Variants in EXD3 observed in about 807,000 individuals in gnomAD.
The protein encoded by EXD3 is exonuclease 3'-5' domain containing 3.
EXD3 carries 92 observed loss-of-function variants against 98.0 expected under a neutral mutation model. That is an observed-to-expected ratio of 0.94 (90% CI 0.79 to 1.12). The LOEUF (loss-of-function observed/expected upper bound fraction) is 1.12. EXD3 is among the 50% of genes most tolerant of loss of function. The pLI, the probability that EXD3 is intolerant of heterozygous loss-of-function variation, is 0.00. For missense variants in EXD3, 1,222 were observed against 1,191.6 expected, an observed-to-expected ratio of 1.03 and a Z score of -0.38; for synonymous variants, 569 against 526.0, an observed-to-expected ratio of 1.08 and a Z score of -1.12.
rs565546558 is a variant in EXD3 at position 137,411,454 on chromosome 9, C to T, written c.-48+11660G>A. Among the ~76,000 whole-genome samples, 404 of 151,986 alleles carry T rather than the reference C, an allele frequency of 2.7e-3. 2 individuals are homozygous for T. The highest frequency in any genetic ancestry group is 4.2e-3 in the Non-Finnish European group (283 of 67,942). On this transcript the variant is annotated intron_variant, in intron 1 of 21. Transcript: ENST00000340951. ...GGGAGCCTCCACAGGAAGGCGGGACCGGCGGGACCAACAGGATGTGCAGGG... is the reference window on the plus strand; with the variant it reads ...GGGAGCCTCCACAGGAAGGCGGGACTGGCGGGACCAACAGGATGTGCAGGG...
chr9:137,330,576 A>C (rs1833008309), intron 17 of EXD3, among the ~76,000 whole-genome samples: 2 of 119,446 alleles, frequency 1.7e-5, no homozygotes, highest in South Asian at 3.0e-4. Context: ...CACAGGAGCT[A>C]CACAGGACTA....
Position 137,321,051 on chromosome 9 carries a change from G to A in EXD3, c.2184+2674C>T, listed in dbSNP as rs756219003. On this transcript the variant is annotated intron_variant, in intron 19 of 21. Transcript: ENST00000340951. Reference sequence around the variant, plus strand: ...CCCCGCAGGGCAGTGGGGTCAGAGGGTCAGACTGCACCCCCAGGCCAGGGG... The same window carrying A: ...CCCCGCAGGGCAGTGGGGTCAGAGGATCAGACTGCACCCCCAGGCCAGGGG... Among the ~76,000 whole-genome samples the A allele has an allele frequency of 5.3e-5, 8 of 152,306 alleles. No homozygotes were observed. The Middle Eastern group carries it at 0.01, about 194-fold the overall frequency.
chr9:137,418,781 G>A (rs774083574), intron 1 of EXD3, among the ~76,000 whole-genome samples: 17 of 151,914 alleles, frequency 1.1e-4, no homozygotes, highest in Non-Finnish European at 1.9e-4. Context: ...AAAAAAAAAG[G>A]GGAAAGAGGG....
At chr9:137,380,253 C>T in intron 3 of EXD3, among the ~76,000 whole-genome samples, 1 of 151,698 alleles carries the variant, frequency 6.6e-6, no homozygotes, top group Non-Finnish European at 1.5e-5. Context: ...CAAAGAGCCT[C>T]CTGCTGTGCA....
Position 137,307,640 on chromosome 9 carries a change from T to C in EXD3, c.2285A>G (p.Glu762Gly), listed in dbSNP as rs778864109. ...HQEGPRSSGD[E>G]ATQSQAVQEP... ...CTGCACCGCCTGGCTCTGGGTGGCC[T>C]CGTCACCTGTCAGTCAAGGAAGAGA... is the stretch of plus-strand genomic sequence containing the variant. Residue 762 changes from glutamate (E) to glycine (G), a missense_variant, in exon 21 of 22, where the codon GAG becomes GGG. Physicochemically the swap from Glu to Gly is moderately conservative, Grantham distance 98. Coordinates refer to ENST00000340951, the MANE Select transcript of EXD3 (RefSeq NM_017820.5). 1.7e-5 allele frequency: 27 copies of C among 1,609,742 alleles called. No homozygotes were observed. The highest frequency in any genetic ancestry group is 2.2e-5 in the Non-Finnish European group (26 of 1,179,658).
chr9:137,353,923 T>G, intron 10 of EXD3: 1 of 1,013,188 alleles, frequency 9.9e-7, no homozygotes, highest in Non-Finnish European at 1.2e-6. Context: ...GCCGCCCGCA[T>G]TCTTCAGGAC....
intron 17 of EXD3, among the ~76,000 whole-genome samples, chr9:137,330,598 A>ACAGGACTACG (rs1205122152): frequency 4.3e-5 from 6 of 140,054 alleles, no homozygotes; most frequent in East Asian, 2.3e-4. Flanking sequence ...ACAGGACTAC[A>ACAGGACTACG]CAGGACTACA....
chr9:137,403,539 G>A lies in EXD3; in HGVS notation c.-47-8135C>T, dbSNP rs576558747. Among the ~76,000 whole-genome samples, 17 of 152,198 alleles carry A rather than the reference G, an allele frequency of 1.1e-4. No individual in the cohort carries two copies. The highest frequency in any genetic ancestry group is 3.9e-4 in the East Asian group (2 of 5,142). ...GTCCGTTTCAGCCCTCCAGACGCCC[G>A]TACCCAGGAAACCTGGGCCTCCATT... On this transcript the variant is annotated intron_variant, in intron 1 of 21. Coordinates refer to ENST00000340951, the MANE Select transcript of EXD3 (RefSeq NM_017820.5). This position sits in a 1 kb window ranked among gnomAD's most constrained non-coding sequence, Gnocchi z 6.1.
chr9:137,364,150 G>A (rs917057766), intron 7 of EXD3, among the ~76,000 whole-genome samples: 2 of 152,096 alleles, frequency 1.3e-5, no homozygotes, highest in East Asian at 3.9e-4. Flanking sequence ...AAGTCAAGGT[G>A]TTCTACTCCA....
At chr9:137,345,210 C>T (rs989065996) in intron 17 of EXD3, among the ~76,000 whole-genome samples, 9 of 152,388 alleles carry the variant, frequency 5.9e-5, no homozygotes, top group East Asian at 3.9e-4. Context: ...TCTGGGCTCT[C>T]GCCCGGAATG....
intron 6 of EXD3, among the ~76,000 whole-genome samples, chr9:137,367,016 C>T (rs957699410): frequency 3.3e-5 from 5 of 152,260 alleles, no homozygotes; most frequent in South Asian, 2.1e-4. Flanking sequence ...AAGACCCACA[C>T]GCTGTCGGTG....
chr9:137,352,514 T>A, intron 11 of EXD3, 106 bp downstream of exon 11: 1 of 1,177,280 alleles, frequency 8.5e-7, no homozygotes, highest in Non-Finnish European at 1.2e-6. Flanking sequence ...TCTTGATTTC[T>A]AATTCTCAAG....
intron 1 of EXD3, among the ~76,000 whole-genome samples, chr9:137,421,149 C>CT (rs1031498937): frequency 7.2e-5 from 11 of 152,168 alleles, no homozygotes; most frequent in Admixed American, 2.0e-4. Context: ...TTCTGACCCT[C>CT]TTGTAGTTCA....
intron 17 of EXD3, among the ~76,000 whole-genome samples, chr9:137,326,906 C>T (rs906538101): frequency 6.6e-6 from 1 of 151,698 alleles, no homozygotes; most frequent in East Asian, 1.9e-4. Context: ...CATCAGTGTT[C>T]GTAGCAGCCA....
chr9:137,370,274 G>A (rs1195237858), intron 5 of EXD3, among the ~76,000 whole-genome samples: 1 of 152,212 alleles, frequency 6.6e-6, no homozygotes, highest in Non-Finnish European at 1.5e-5. Flanking sequence ...ACTTCCCTGA[G>A]AGGACGGTGT....
intron 19 of EXD3, among the ~76,000 whole-genome samples, chr9:137,320,106 T>A (rs938094150): frequency 4.6e-5 from 7 of 152,100 alleles, no homozygotes; most frequent in Admixed American, 4.6e-4. Flanking sequence ...GAACGCTTGG[T>A]TCTGTCCTCA....
chr9:137,334,379 G>A (rs952266657), intron 17 of EXD3, among the ~76,000 whole-genome samples: 6 of 152,190 alleles, frequency 3.9e-5, no homozygotes, highest in Non-Finnish European at 8.8e-5. Context: ...TGGTATAAAA[G>A]TAGATACATA....
Position 137,395,400 on chromosome 9 carries a change from A to G in EXD3, c.-43T>C. 1 of 1,612,966 alleles carries G rather than the reference A, an allele frequency of 6.2e-7. No individual in the cohort carries two copies. The highest frequency in any genetic ancestry group is 8.5e-7 in the Non-Finnish European group (1 of 1,179,730). ...GGACGCTGGCAGGCAGCTAGGAACGAGGATCTGCAGAAACAGACAATCAGG... is the reference window on the plus strand; with the variant it reads ...GGACGCTGGCAGGCAGCTAGGAACGGGGATCTGCAGAAACAGACAATCAGG... On this transcript the variant is annotated 5_prime_UTR_variant, in exon 2 of 22. Transcript: ENST00000340951. This position sits in a 1 kb window ranked among gnomAD's most constrained non-coding sequence, Gnocchi z 6.5.
intron 19 of EXD3, among the ~76,000 whole-genome samples, chr9:137,317,581 T>C (rs1489675335): frequency 2.0e-5 from 3 of 151,822 alleles, no homozygotes; most frequent in Non-Finnish European, 4.4e-5. Context: ...TCTGGAAGGC[T>C]GCTAGGAAAG....
Sources: gnomAD v4.1 joint callset for allele counts (sites outside exome capture counted in the v4.1 genomes callset) on GRCh38, gnomAD v4.1.1 for gene constraint, Gnocchi (gnomAD v3.1) non-coding constraint, MANE v1.5 for transcripts, NCBI Gene and HGNC (gene_info 2026-07-23, HGNC 2026-07-21) for gene names.